Variants in PDXDC1 observed in about 807,000 individuals in gnomAD.
PDXDC1 encodes pyridoxal dependent decarboxylase domain containing 1, also known as pyridoxal-dependent decarboxylase domain-containing protein 1.
In PDXDC1, 42 loss-of-function variants were observed where a neutral mutation model predicts 100.1. The observed-to-expected ratio is 0.42, with a 90% CI of 0.33 to 0.54. PDXDC1 has a LOEUF of 0.54. Among genes scored for constraint, PDXDC1 ranks in the 20% least tolerant of loss-of-function variants. The pLI, the probability that PDXDC1 is intolerant of heterozygous loss-of-function variation, is 0.10. For synonymous variants in PDXDC1, 260 were observed against 371.7 expected (o/e 0.70, Z 3.46); for missense variants, 636 against 979.2 (o/e 0.65, Z 4.68).
At chr16:15,075,176 G>C (rs1445431419) in intron 16 of PDXDC1, among the ~76,000 whole-genome samples, 1 of 151,414 alleles carries the variant, frequency 6.6e-6, no homozygotes, top group African/African-American at 2.4e-5. Flanking sequence ...CTTGAACTGG[G>C]AGGTGGAGGA....
chr16:15,053,631 C>A (rs2044380315), intron 16 of PDXDC1, among the ~76,000 whole-genome samples: 1 of 151,992 alleles, frequency 6.6e-6, no homozygotes, highest in African/African-American at 2.4e-5. Context: ...ATAATCCAGG[C>A]CAGGTGGAGT....
intron 16 of PDXDC1, among the ~76,000 whole-genome samples, chr16:15,092,785 C>A (rs1025856082): frequency 2.3e-4 from 35 of 152,216 alleles, no homozygotes; most frequent in African/African-American, 8.4e-4. Flanking sequence ...CAACCAATAA[C>A]TGTCTTCCCA....
intron 16 of PDXDC1, chr16:15,133,893 G>C (rs878979627): frequency 2.7e-6 from 4 of 1,492,772 alleles, no homozygotes; most frequent in Middle Eastern, 2.4e-4. Context: ...GGGGGACAGG[G>C]GGATGGAGGC....
chr16:14,997,560 C>T (rs1385547680), intron 1 of PDXDC1, among the ~76,000 whole-genome samples, 193 bp from the exon 2 acceptor site: 16 of 152,266 alleles, frequency 1.1e-4, no homozygotes, highest in Non-Finnish European at 2.1e-4. Flanking sequence ...ATAAAAACAG[C>T]GGCTTCCTCT....
chr16:15,059,270 G>A (rs748985195), intron 16 of PDXDC1, among the ~76,000 whole-genome samples: 5 of 152,228 alleles, frequency 3.3e-5, no homozygotes, highest in South Asian at 2.1e-4. Context: ...AACCACCATC[G>A]TAAGCACTGC....
downstream of PDXDC1, chr16:15,038,707 G>A: frequency 7.3e-7 from 1 of 1,378,752 alleles, no homozygotes; most frequent in East Asian, 2.3e-5. Context: ...AACGTGTCAA[G>A]GATAGAATTT....
At chr16:15,143,731 C>A (rs563358488), downstream of PDXDC1, among the ~76,000 whole-genome samples, 1 of 152,336 alleles carries the variant, frequency 6.6e-6, no homozygotes, top group South Asian at 2.1e-4. Context: ...GGGCAGCTCC[C>A]GGGGCCCTCC....
chr16:15,041,557 G>T, downstream of PDXDC1: 1 of 1,131,212 alleles, frequency 8.8e-7, no homozygotes, highest in Non-Finnish European at 1.4e-6. Context: ...TGGGCCCACT[G>T]CAAGACTGGG....
chr16:15,080,132 G>A, intron 16 of PDXDC1: 4 of 1,560,588 alleles, frequency 2.6e-6, no homozygotes, highest in Non-Finnish European at 3.5e-6. Context: ...CATTTCAACA[G>A]AGAATAAACG....
At chr16:15,077,291 T>G (rs1200942461) in intron 16 of PDXDC1, among the ~76,000 whole-genome samples, 1 of 152,176 alleles carries the variant, frequency 6.6e-6, no homozygotes, top group Admixed American at 6.5e-5. Context: ...AAATCTCATC[T>G]TGAATCGTAC....
chr16:15,070,587 A>G (rs912671731), intron 16 of PDXDC1, among the ~76,000 whole-genome samples: 4 of 151,994 alleles, frequency 2.6e-5, no homozygotes, highest in Non-Finnish European at 5.9e-5. Context: ...GTTCACCAAC[A>G]CCTCTCAAGA....
intron 16 of PDXDC1, among the ~76,000 whole-genome samples, chr16:15,075,858 G>A (rs1322859113): frequency 2.0e-5 from 3 of 152,090 alleles, no homozygotes; most frequent in Non-Finnish European, 2.9e-5. Flanking sequence ...GAGTACTGGC[G>A]GCCAATAGCT....
At chr16:15,123,289 A>C in intron 16 of PDXDC1, 1 of 1,467,266 alleles carries the variant, frequency 6.8e-7, no homozygotes, top group Non-Finnish European at 9.2e-7. Context: ...ACCTTCACAA[A>C]CCTGATTTCT....
chr16:15,026,167 C>G (rs1164909332), intron 13 of PDXDC1: 1 of 161,108 alleles, frequency 6.2e-6, no homozygotes, highest in Non-Finnish European at 1.3e-5. Flanking sequence ...ACTTGGAAAG[C>G]CAAAGTAGGA....
the PDXDC1 span, among the ~76,000 whole-genome samples, chr16:15,147,444 T>C: frequency 6.6e-6 from 1 of 152,178 alleles, no homozygotes; most frequent in East Asian, 1.9e-4. Context: ...TGCAGTGCCG[T>C]GATGAGCTAT....
intron 16 of PDXDC1, among the ~76,000 whole-genome samples, chr16:15,100,169 G>C (rs1237027839): frequency 6.6e-6 from 1 of 152,086 alleles, no homozygotes; most frequent in Non-Finnish European, 1.5e-5. Flanking sequence ...CTCAACTAAT[G>C]GTTTGCAAAT....
At chr16:14,988,122 C>G in intron 1 of PDXDC1, 1 of 1,279,376 alleles carries the variant, frequency 7.8e-7, no homozygotes, top group Non-Finnish European at 1.1e-6. Flanking sequence ...TATCCACACT[C>G]GCTTCTGCGT....
chr16:15,083,029 T>C (rs2045768405), intron 16 of PDXDC1, among the ~76,000 whole-genome samples: 1 of 152,230 alleles, frequency 6.6e-6, no homozygotes, highest in Admixed American at 6.5e-5. Flanking sequence ...GAATCCCCAA[T>C]AGCCGCTTTA....
rs1321856800 is a variant in PDXDC1, at chr16:15,087,910, T to C, written c.1400-50969T>C. Reference sequence around the variant, plus strand: ...TGGGTGGATCACCTGAGGTTGGGAGTTCGAGATGAGCCTAACCAACATGGA... The same window carrying C: ...TGGGTGGATCACCTGAGGTTGGGAGCTCGAGATGAGCCTAACCAACATGGA... On this transcript the variant is annotated intron_variant, in intron 16 of 16. Transcript: ENST00000535621. Among the ~76,000 whole-genome samples, 3 of 151,014 alleles carry C rather than the reference T, an allele frequency of 2.0e-5. No homozygotes were observed. In the East Asian group the frequency reaches 5.9e-4, roughly 30 times the overall value.
Sources: allele counts gnomAD v4.1 joint callset (sites outside exome capture counted in the v4.1 genomes callset), GRCh38; gene constraint gnomAD v4.1.1; transcripts MANE v1.5; gene names NCBI Gene and HGNC (gene_info 2026-07-23, HGNC 2026-07-21).